The following VPS13B variants were observed in gnomAD, a reference collection of about 807,000 sequenced individuals.
The protein encoded by VPS13B is intermembrane lipid transfer protein VPS13B.
In VPS13B, 285 loss-of-function variants were observed where a neutral mutation model predicts 426.4. The observed-to-expected ratio is 0.67, with a 90% confidence interval of 0.61 to 0.74. VPS13B has a LOEUF of 0.74. VPS13B is among the 30% of genes least tolerant of loss of function. The pLI, the probability that VPS13B is intolerant of heterozygous loss-of-function variation, is 0.00. For missense variants in VPS13B, 4,537 were observed against 4,782.6 expected, an observed-to-expected ratio of 0.95 and a Z score of 1.51; for synonymous variants, 1,676 against 1,676.4, an observed-to-expected ratio of 1.00 and a Z score of 0.01.
At chr8:99,234,468 G>GA in intron 17 of VPS13B, 4 of 573,846 alleles carry the variant, frequency 7.0e-6, no homozygotes, top group South Asian at 5.7e-5. Context: ...CCTTGGCCTC[G>GA]CCGCCGCCCC....
intron 3 of VPS13B, among the ~76,000 whole-genome samples, chr8:99,088,743 A>G (rs1310586486): frequency 6.6e-6 from 1 of 152,316 alleles, no homozygotes; most frequent in Admixed American, 6.5e-5. Context: ...CTTGTTTAAT[A>G]TATAGAATAA....
chr8:99,712,759 C>CAAAAAA (rs386360840), intron 36 of VPS13B, among the ~76,000 whole-genome samples: 2 of 98,142 alleles, frequency 2.0e-5, no homozygotes. Context: ...GTCCCCAAGC[C>CAAAAAA]AAAAAAAAAA....
intron 33 of VPS13B, among the ~76,000 whole-genome samples, chr8:99,624,552 A>G (rs1828519885): frequency 1.3e-5 from 2 of 152,162 alleles, no homozygotes; most frequent in South Asian, 4.1e-4. Flanking sequence ...TATATTGTGA[A>G]CTACATTATC....
chr8:99,444,370 T>A (rs1817815972), intron 23 of VPS13B, among the ~76,000 whole-genome samples: 1 of 152,238 alleles, frequency 6.6e-6, no homozygotes, highest in Non-Finnish European at 1.5e-5. Context: ...GTGTTGGGAT[T>A]ACAGGCGTGA....
chr8:99,013,624 G>A, intron 1 of VPS13B, 136 bp from the exon 2 acceptor site: 2 of 742,752 alleles, frequency 2.7e-6, no homozygotes, highest in Non-Finnish European at 4.5e-6. Flanking sequence ...CTGGGAGTCC[G>A]CTGGAGTTTT....
intron 22 of VPS13B, among the ~76,000 whole-genome samples, chr8:99,435,491 A>G (rs1172602324): frequency 3.3e-5 from 5 of 152,182 alleles, no homozygotes; most frequent in African/African-American, 4.8e-5. Context: ...TCTTTGCACT[A>G]TCGATAAACA....
At chr8:99,867,275 CTT>C (rs1175311368) in intron 58 of VPS13B, among the ~76,000 whole-genome samples, 1 of 152,140 alleles carries the variant, frequency 6.6e-6, no homozygotes, top group Admixed American at 6.5e-5. Flanking sequence ...AATGGTAAGA[CTT>C]TTCTAGCTCT....
Position 99,853,999 on chromosome 8 carries a change from C to T in VPS13B, c.10610C>T (p.Ser3537Phe), listed in dbSNP as rs775000170. The T allele has an allele frequency of 1.2e-6, 2 of 1,614,232 alleles. No individual in the cohort carries two copies. The highest frequency in any genetic ancestry group is 1.7e-5 in the Admixed American group (1 of 60,032). The change falls in exon 56 of 62, where the codon TCC (serine) becomes TTC (phenylalanine). Residue 3537 changes from serine to phenylalanine, a missense_variant. Physicochemically the swap from Ser to Phe is radical, Grantham distance 155. Around this residue, in one of 2 missense-constraint regions of VPS13B, gnomAD observed 4,311 missense variants for 4,474.3 expected, o/e 0.96. Transcript: ENST00000357162. ...SRLAGHSTHL[S>F]GGKQVLPMQV... Reference sequence around the variant, plus strand: ...TTGGCTGGTCACTCCACACACCTCTCCGGGGGTAAACAGGTGTTGCCCATG... The same window carrying T: ...TTGGCTGGTCACTCCACACACCTCTTCGGGGGTAAACAGGTGTTGCCCATG...
chr8:99,511,253 T>C lies in VPS13B; in HGVS notation c.4374T>C (p.Asp1458=), dbSNP rs1209315333. ...SFHKLSEGLM[D]GSPHFLHEIL... is the part of the protein sequence containing the mutation. ...ATAAGTTATCTGAAGGCCTAATGGATGGTTCTCCTCATTTTCTTCATGAAA... is the reference window on the plus strand; with the variant it reads ...ATAAGTTATCTGAAGGCCTAATGGACGGTTCTCCTCATTTTCTTCATGAAA... Residue 1458 remains aspartate (D), a synonymous_variant, in exon 29 of 62, where the codon GAT becomes GAC. Coordinates refer to ENST00000357162, the MANE Select transcript of VPS13B (RefSeq NM_152564.5). 1.9e-6 allele frequency: 3 copies of C among 1,614,118 alleles called. No individual in the cohort carries two copies. The highest frequency in any genetic ancestry group is 1.7e-6 in the Non-Finnish European group (2 of 1,180,008).
At chr8:99,808,431 G>T (rs896083192) in intron 43 of VPS13B, among the ~76,000 whole-genome samples, 22 of 149,490 alleles carry the variant, frequency 1.5e-4, no homozygotes, top group African/African-American at 5.4e-4. Context: ...CAAGAGAATC[G>T]CTTGAACCCA....
chr8:99,098,037 A>C lies in VPS13B; in HGVS notation c.412+1605A>C, dbSNP rs369711250. ...TCTTGAGAAATTTCAAAGCATCACTATCATGTATCTTTCTCTCTGACCACA... is the reference window on the plus strand; with the variant it reads ...TCTTGAGAAATTTCAAAGCATCACTCTCATGTATCTTTCTCTCTGACCACA... On this transcript the variant is annotated intron_variant, in intron 4 of 61. Coordinates refer to ENST00000357162, the MANE Select transcript of VPS13B (RefSeq NM_152564.5). Among the ~76,000 whole-genome samples the C allele has an allele frequency of 2.6e-5, 4 of 152,214 alleles. No homozygotes were observed. In the South Asian group the frequency reaches 6.2e-4, roughly 24 times the overall value.
intron 56 of VPS13B, among the ~76,000 whole-genome samples, chr8:99,858,818 A>G (rs1340163327): frequency 6.6e-6 from 1 of 152,188 alleles, no homozygotes; most frequent in African/African-American, 2.4e-5. Flanking sequence ...AAGATTAAAA[A>G]CAACCCCTCC....
At chr8:99,612,977 C>T (rs1827908033) in intron 33 of VPS13B, among the ~76,000 whole-genome samples, 1 of 152,164 alleles carries the variant, frequency 6.6e-6, no homozygotes, top group African/African-American at 2.4e-5. Context: ...CAAGGCCAAG[C>T]TTAAATGATC....
intron 17 of VPS13B, among the ~76,000 whole-genome samples, chr8:99,215,763 C>T (rs1024763143): frequency 6.6e-6 from 1 of 152,130 alleles, no homozygotes; most frequent in Non-Finnish European, 1.5e-5. Context: ...TACCAAAATC[C>T]TGGACTCCTA....
At chr8:99,087,419 C>T (rs1031724451) in intron 3 of VPS13B, among the ~76,000 whole-genome samples, 3 of 152,060 alleles carry the variant, frequency 2.0e-5, no homozygotes, top group Non-Finnish European at 4.4e-5. Context: ...TGAGGCAGTG[C>T]CTCACCCTGC....
intron 35 of VPS13B, among the ~76,000 whole-genome samples, chr8:99,683,742 T>C (rs1370409348): frequency 6.6e-6 from 1 of 152,244 alleles, no homozygotes; most frequent in Non-Finnish European, 1.5e-5. Context: ...TTATTAATTC[T>C]GGGAGCTTTT....
chr8:99,272,862 T>G (rs189675061), intron 17 of VPS13B, among the ~76,000 whole-genome samples: 2 of 152,296 alleles, frequency 1.3e-5, no homozygotes, highest in African/African-American at 4.8e-5. Context: ...ACAGGTTGAG[T>G]GACCCCCTAC....
At chr8:99,498,887 A>C (rs1219339899) in intron 25 of VPS13B, among the ~76,000 whole-genome samples, 1 of 152,108 alleles carries the variant, frequency 6.6e-6, no homozygotes. Flanking sequence ...CTGTTGACTT[A>C]AGTACAAACA....
At chr8:99,201,003 AT>A (rs1005170824) in intron 17 of VPS13B, among the ~76,000 whole-genome samples, 1 of 149,662 alleles carries the variant, frequency 6.7e-6, no homozygotes, top group African/African-American at 2.5e-5. Context: ...TATTTTTTTC[AT>A]TTTTTTTAAT....
Sources: allele counts gnomAD v4.1 joint callset (sites outside exome capture counted in the v4.1 genomes callset), GRCh38; gene constraint gnomAD v4.1.1; regional missense constraint gnomAD v4.1.1; transcripts MANE v1.5; gene names NCBI Gene and HGNC (gene_info 2026-07-23, HGNC 2026-07-21).